CPSF1: variants seen among roughly 807,000 people sequenced by gnomAD.
CPSF1 encodes cleavage and polyadenylation specificity factor subunit 1.
Under a neutral mutation model 175.8 loss-of-function variants are expected in CPSF1, and 106 were observed. The observed-to-expected ratio is 0.60, with a 90% CI of 0.52 to 0.71. CPSF1 has a LOEUF of 0.71. Ranked by LOEUF, CPSF1 falls within the 30% of genes least tolerant of loss-of-function variation. CPSF1 has a pLI of 0.00. For missense variants in CPSF1, 1,734 were observed against 2,022.9 expected, an observed-to-expected ratio of 0.86 and a Z score of 2.74; for synonymous variants, 1,024 against 858.3, an observed-to-expected ratio of 1.19 and a Z score of -3.37.
Position 144,401,045 on chromosome 8 carries a change from G to T in CPSF1, c.418C>A (p.Arg140=), listed in dbSNP as rs2116880875. The T allele has an allele frequency of 1.9e-6, 3 of 1,607,934 alleles. No individual in the cohort carries two copies. The highest frequency in any genetic ancestry group is 1.1e-5 in the South Asian group (1 of 90,702). Residue 140 remains arginine, a synonymous_variant, in exon 6 of 38, where the codon CGA becomes AGA. Transcript: ENST00000616140. ...DGFVQNVHTP[R]VRVDPDGRCA... ...CGCCCGTCGGGGTCCACCCGCACTC[G>T]CGGCGTGTGTACATTCTGCACAAAC... is the stretch of plus-strand genomic sequence containing the variant.
chr8:144,395,601 G>A lies in CPSF1; in HGVS notation c.2980-50C>T, dbSNP rs377618195. 1.5e-4 allele frequency: 225 copies of A among 1,505,498 alleles called. 1 individual carries two copies. The African/African-American group carries it at 2.6e-3, about 17-fold the overall frequency. 93.3% of individuals were successfully genotyped at this position (1,505,498 alleles called of 1,614,324 possible). On this transcript the variant is annotated intron_variant, in intron 26 of 37. Coordinates refer to ENST00000616140, the MANE Select transcript of CPSF1 (RefSeq NM_013291.3). The stretch of plus-strand genomic sequence containing the variant: ...GGGATCCAGGGCTAGCCAAGGGCAG[G>A]GGCAGGCAGGCCCAGGCCGCCAAGA...
Position 144,396,872 on chromosome 8 carries a change from C to T in CPSF1, c.2650G>A (p.Gly884Ser), listed in dbSNP as rs782060108. Residue 884 changes from glycine to serine, a missense_variant, in exon 24 of 38, where the codon GGC (glycine) becomes AGC (serine). Physicochemically the swap from Gly to Ser is moderately conservative, Grantham distance 56. Around this residue, in one of 10 missense-constraint regions of CPSF1, gnomAD observed 585 missense variants for 584.7 expected, o/e 1.00. Coordinates refer to ENST00000616140, the MANE Select transcript of CPSF1 (RefSeq NM_013291.3). ...AAGCGGACTTTGAGATTGCCCTGGCCGAGCTGAGAGTCGTGGGGGAAGGCC... is the reference window on the plus strand; with the variant it reads ...AAGCGGACTTTGAGATTGCCCTGGCTGAGCTGAGAGTCGTGGGGGAAGGCC... ...YEAFPHDSQL[G>S]QGNLKVRFKK... 20 of 1,613,798 alleles carry T rather than the reference C, an allele frequency of 1.2e-5. No homozygotes were observed. The highest frequency in any genetic ancestry group is 5.0e-5 in the Admixed American group (3 of 59,972).
Position 144,401,016 on chromosome 8 carries a change from A to G in CPSF1, c.447T>C (p.Cys149=). Residue 149 remains cysteine, a synonymous_variant, in exon 6 of 38, where the codon TGT becomes TGC. Coordinates refer to ENST00000616140, the MANE Select transcript of CPSF1 (RefSeq NM_013291.3). ...PRVRVDPDGR[C]AAMLVYGTRL... The stretch of plus-strand genomic sequence containing the variant: ...GCGTGCCGTAGACAAGCATGGCTGC[A>G]CAGCGCCCGTCGGGGTCCACCCGCA... The G allele has an allele frequency of 1.2e-6, 2 of 1,610,078 alleles. No homozygotes were observed. Among genetic ancestry groups the G allele is most frequent in the Non-Finnish European group, 1.7e-6 (2 of 1,178,114 alleles).
chr8:144,393,380 AGGGTGGGTGGGT>A lies in CPSF1; in HGVS notation c.4285-27_4285-16del, dbSNP rs781827153. On this transcript the variant is annotated splice_polypyrimidine_tract_variant and intron_variant, in intron 37 of 37. Transcript: ENST00000616140. ...TCGTCCAGGATCTGCAGGGGATGGA[AGGGTGGGTGGGT>A]GGGTGGGTGGGGATGCACACGGAGG... 118 of 498,674 alleles carry A rather than the reference AGGGTGGGTGGGT, an allele frequency of 2.4e-4. 1 individual carries two copies. The highest frequency in any genetic ancestry group is 1.2e-3 in the South Asian group (63 of 52,486). 30.9% of individuals were successfully genotyped at this position (498,674 alleles called of 1,614,324 possible).
Position 144,396,391 on chromosome 8 carries a change from TG to T in CPSF1, c.2935del (p.His979ThrfsTer18). The T allele has an allele frequency of 6.3e-7, 1 of 1,590,222 alleles. No individual in the cohort carries two copies. The part of the protein sequence containing the change: ...DGPVDSFAPF[H>X]NVNCPRGFLY... ...GAAGCCGCGGGGACAGTTGACATTG[TG>T]GAATGGAGCGAAAGAGTCGACCGGG... On this transcript the variant is annotated frameshift_variant, in exon 26 of 38. Coordinates refer to ENST00000616140, the MANE Select transcript of CPSF1 (RefSeq NM_013291.3). LOFTEE classifies it high-confidence loss of function.
chr8:144,400,135 G>GGGGGGGGCCCCCCCCCCCCCCCC, intron 9 of CPSF1, 31 bp downstream of exon 9: 4 of 895,996 alleles, frequency 4.5e-6, no homozygotes, highest in Non-Finnish European at 6.4e-6. Context: ...CCGTCCCCGG[G>GGGGGGGGCCCCCCCCCCCCCCCC]CCCCCCCCGC....
At chr8:144,408,454 C>A (rs1821617548) in intron 2 of CPSF1, among the ~76,000 whole-genome samples, 1 of 152,184 alleles carries the variant, frequency 6.6e-6, no homozygotes, top group Non-Finnish European at 1.5e-5. Flanking sequence ...GAGGCGTGTG[C>A]CCCACTGTAC....
Position 144,397,496 on chromosome 8 carries a change from G to T in CPSF1, c.2376C>A (p.Gly792=). 6.3e-7 allele frequency: 1 copy of T among 1,595,024 alleles called. No homozygotes were observed. Among genetic ancestry groups the T allele is most frequent in the Non-Finnish European group, 8.6e-7 (1 of 1,166,410 alleles). Residue 792 remains glycine, a synonymous_variant, in exon 22 of 38, where the codon GGC becomes GGA. Transcript: ENST00000616140. ...THWCLLVREN[G]TMEIYQLPDW... is the part of the protein sequence containing the mutation. ...GCAGGGCACCACCTACCTCCATGGT[G>T]CCATTCTCCCGCACCAGCAGGCACC...
Position 144,393,271 on chromosome 8 carries a change from G to A in CPSF1, c.*47C>T, listed in dbSNP as rs781847185. 13 of 1,458,082 alleles carry A rather than the reference G, an allele frequency of 8.9e-6. No individual in the cohort carries two copies. The highest frequency in any genetic ancestry group is 9.1e-7 in the Non-Finnish European group (1 of 1,096,434). 90.3% of individuals were successfully genotyped at this position (1,458,082 alleles called of 1,614,324 possible). On this transcript the variant is annotated 3_prime_UTR_variant, in exon 38 of 38. Transcript: ENST00000616140. ...TTTTCCTTGTGTTTTGTACAAAAAGGGGGTGGGAGGTAGTTCCGTGTGCTG... is the reference window on the plus strand; with the variant it reads ...TTTTCCTTGTGTTTTGTACAAAAAGAGGGTGGGAGGTAGTTCCGTGTGCTG...
chr8:144,399,101 C>A lies in CPSF1; in HGVS notation c.1467+27G>T. On this transcript the variant is annotated intron_variant, in intron 15 of 37. Transcript: ENST00000616140. The surrounding 1 kb of genome is among the most constrained non-coding windows in gnomAD (Gnocchi z 6.4). ...CCCCCCTCACACTCCAGCCCCTGCC[C>A]CCAGCCCCGACCCCAACCCTGGGCA... The A allele has an allele frequency of 1.3e-6, 2 of 1,549,416 alleles. No individual in the cohort carries two copies. Among genetic ancestry groups the A allele is most frequent in the African/African-American group, 1.4e-5 (1 of 73,204 alleles).
At chr8:144,403,345 C>T (rs2116894494) in intron 2 of CPSF1, among the ~76,000 whole-genome samples, 4 of 151,964 alleles carry the variant, frequency 2.6e-5, no homozygotes, top group South Asian at 2.1e-4. Flanking sequence ...ACACTCACCT[C>T]GGCCTCTCAA....
Position 144,400,955 on chromosome 8 carries a change from C to A in CPSF1, c.508G>T (p.Ala170Ser). 2.5e-6 allele frequency: 4 copies of A among 1,607,864 alleles called. No homozygotes were observed. The East Asian group carries it at 6.7e-5, about 27-fold the overall frequency. Residue 170 changes from alanine (A) to serine (S), a missense_variant, in exon 6 of 38, where the codon GCT (alanine) becomes TCT (serine). Physicochemically the swap from Ala to Ser is moderately conservative, Grantham distance 99. Around this residue, in one of 10 missense-constraint regions of CPSF1, gnomAD observed 122 missense variants for 177.2 expected, o/e 0.69. Transcript: ENST00000616140. ...CCCACGAGCCCCTCGTGCTCCTCAG[C>A]CAGGCTCTCCCTGCGGAAGGGCAGG... ...VVLPFRRESL[A>S]EEHEGLVGEG...
Position 144,396,437 on chromosome 8 carries a change from G to T in CPSF1, c.2890C>A (p.His964Asn). 1 of 1,596,610 alleles carries T rather than the reference G, an allele frequency of 6.3e-7. No individual in the cohort carries two copies. Among genetic ancestry groups the T allele is most frequent in the Non-Finnish European group, 8.5e-7 (1 of 1,173,166 alleles). Residue 964 changes from histidine (H) to asparagine (N), a missense_variant, in exon 26 of 38, where the codon CAC becomes AAC. Physicochemically the swap from His to Asn is moderately conservative, Grantham distance 68 (BLOSUM62 1). Transcript: ENST00000616140. ...ACCGGGCCGTCGATGGCCATGGGGT[G>T]TAGCCGCAGAGCCCCTCGGCCGGTC... ...LVTGRGALRL[H>N]PMAIDGPVDS...
At chr8:144,405,451 C>G (rs2116901999) in intron 2 of CPSF1, among the ~76,000 whole-genome samples, 6 of 152,252 alleles carry the variant, frequency 3.9e-5, no homozygotes. Flanking sequence ...GGTGAAACCC[C>G]ATCTCTACCA....
rs1820880028 is a variant in CPSF1 at position 144,397,972 on chromosome 8, G to A, written c.2055C>T (p.His685=). The A allele has an allele frequency of 6.2e-7, 1 of 1,609,962 alleles. No homozygotes were observed. The highest frequency in any genetic ancestry group is 1.1e-5 in the South Asian group (1 of 90,918). ...GGCCTACATGGTGCAGCGGGGGCTT[G>A]TGCAGCGCCAGGCGGTGGTGGCGGC... is the stretch of plus-strand genomic sequence containing the variant. The part of the protein sequence containing the change: ...YGGRHHRLAL[H]KPPLHHQSKV... Residue 685 remains histidine, a synonymous_variant, in exon 20 of 38, where the codon CAC becomes CAT. Coordinates refer to ENST00000616140, the MANE Select transcript of CPSF1 (RefSeq NM_013291.3).
In CPSF1 at chr8:144,396,683, TC is replaced by T. The variant is rs1298935441; in HGVS notation, c.2740del (p.Glu914LysfsTer42). ...KKPKPSKKKAEGGGAEEGAGA... is the reference protein window; with the variant it reads ...KKPKPSKKKAXGGGAEEGAGA... ...AGCCCCCTCCTCTGCGCCGCCACCT[TC>T]TGCTTTCTTCTTGGATGGCTTTGGC... On this transcript the variant is annotated frameshift_variant, in exon 25 of 38. Transcript: ENST00000616140. LOFTEE classifies it high-confidence loss of function. 2 of 1,613,890 alleles carry T rather than the reference TC, an allele frequency of 1.2e-6. No homozygotes were observed. The highest frequency in any genetic ancestry group is 1.7e-6 in the Non-Finnish European group (2 of 1,180,006).
At chr8:144,405,900 G>A (rs1222306431) in intron 2 of CPSF1, among the ~76,000 whole-genome samples, 1 of 152,166 alleles carries the variant, frequency 6.6e-6, no homozygotes. Context: ...TGGGGGTAGG[G>A]GAAGACACAT....
intron 2 of CPSF1, among the ~76,000 whole-genome samples, chr8:144,405,370 C>T (rs1283386903): frequency 1.3e-5 from 2 of 152,226 alleles, no homozygotes; most frequent in Non-Finnish European, 2.9e-5. Flanking sequence ...CACCTGTAAT[C>T]CCAGCACTTT....
rs2116874863 is a variant in CPSF1 at position 144,400,388 on chromosome 8, G to A, written c.792C>T (p.Asp264=). The change falls in exon 8 of 38, where the codon GAC becomes GAT. Residue 264 remains aspartate, a synonymous_variant. Coordinates refer to ENST00000616140, the MANE Select transcript of CPSF1 (RefSeq NM_013291.3). ...VIWSLTSLPF[D]CTQALAVPKP... ...TGGGCACAGCCAGAGCCTGGGTGCA[G>A]TCAAAGGGCAGGCTGGTGAGGGACC... 1.9e-6 allele frequency: 3 copies of A among 1,613,900 alleles called. No individual in the cohort carries two copies. The highest frequency in any genetic ancestry group is 2.5e-6 in the Non-Finnish European group (3 of 1,179,976).
Sources: allele counts gnomAD v4.1 joint callset (sites outside exome capture counted in the v4.1 genomes callset), GRCh38; gene constraint gnomAD v4.1.1; regional missense constraint gnomAD v4.1.1; non-coding constraint Gnocchi (gnomAD v3.1); transcripts MANE v1.5; gene names NCBI Gene and HGNC (gene_info 2026-07-23, HGNC 2026-07-21).